The following SYTL5 variants were observed in gnomAD, a reference collection of about 807,000 sequenced individuals.
SYTL5 encodes the protein synaptotagmin like 5.
A neutral mutation model predicts 55.9 loss-of-function variants in SYTL5; 34 were observed. The observed-to-expected ratio is 0.61, with a 90% CI of 0.46 to 0.81. The LOEUF is 0.81. Among genes scored for constraint, SYTL5 ranks in the 30% least tolerant of loss-of-function variants. The pLI, the probability that SYTL5 is intolerant of heterozygous loss-of-function variation, is 0.00. For synonymous variants in SYTL5, 221 were observed against 188.7 expected, an observed-to-expected ratio of 1.17 and a Z score of -1.40; for missense variants, 637 against 546.7, an observed-to-expected ratio of 1.17 and a Z score of -1.65.
At position 38,125,174 on chromosome X, in the gene SYTL5, A is replaced by G. The variant is rs1937615422; in HGVS notation, c.1842-124A>G. Reference sequence around the variant, plus strand: ...GAAATAATAAGTCAGTTCACTATATAAATCCAGATTTAAGCATATAGAAGC... The same window carrying G: ...GAAATAATAAGTCAGTTCACTATATGAATCCAGATTTAAGCATATAGAAGC... On this transcript the variant is annotated intron_variant, in intron 15 of 16. Coordinates refer to ENST00000297875, the MANE Select transcript of SYTL5 (RefSeq NM_138780.3). 5.5e-6 allele frequency: 3 copies of G among 545,905 alleles called. No individual in the cohort carries two copies. The South Asian group carries it at 9.6e-5, about 17-fold the overall frequency. 45.0% of individuals were successfully genotyped at this position (545,905 alleles called of 1,213,427 possible).
At chrX:37,958,350 C>CA in the SYTL5 span, among the ~76,000 whole-genome samples, 3 of 111,321 alleles carry the variant, frequency 2.7e-5, no homozygotes, top group Non-Finnish European at 5.7e-5. Flanking sequence ...TGGTGGAGGA[C>CA]ATCTTATGGC....
chrX:37,955,504 T>C, the SYTL5 span, among the ~76,000 whole-genome samples: 1 of 112,142 alleles, frequency 8.9e-6, no homozygotes, highest in Non-Finnish European at 1.9e-5. Context: ...ACATCGTCTG[T>C]ATTGTGTTAT....
At chrX:38,102,570 C>T in intron 10 of SYTL5, 136 bp downstream of exon 10, 1 of 468,085 alleles carries the variant, frequency 2.1e-6, no homozygotes, top group East Asian at 3.8e-5. Flanking sequence ...TCCTGCTTGC[C>T]CTTTGCCCAC....
chrX:37,942,922 G>C, the SYTL5 span, among the ~76,000 whole-genome samples: 2 of 110,893 alleles, frequency 1.8e-5, no homozygotes, highest in African/African-American at 6.6e-5. Context: ...CTCCCTTCTT[G>C]CTGGCCTCCC....
At chrX:37,932,166 T>G in the SYTL5 span, among the ~76,000 whole-genome samples, 1 of 112,126 alleles carries the variant, frequency 8.9e-6, no homozygotes, top group Non-Finnish European at 1.9e-5. Flanking sequence ...ATCCTCATAC[T>G]GTCCACACGA....
the SYTL5 span, among the ~76,000 whole-genome samples, chrX:37,974,326 C>G: frequency 2.7e-5 from 3 of 111,825 alleles, no homozygotes; most frequent in African/African-American, 9.8e-5. Flanking sequence ...GTGAATAAAG[C>G]CAGTCAAGAA....
chrX:38,087,418 C>G (rs185705721), intron 6 of SYTL5, among the ~76,000 whole-genome samples: 23 of 111,607 alleles, frequency 2.1e-4, no homozygotes, highest in African/African-American at 6.5e-4. Flanking sequence ...GGAAAATCAC[C>G]AAAGAAATTA....
At chrX:38,012,293 G>A (rs1934216879) in intron 1 of SYTL5, among the ~76,000 whole-genome samples, 1 of 111,830 alleles carries the variant, frequency 8.9e-6, no homozygotes, top group African/African-American at 3.2e-5. Context: ...AAGAAACCAA[G>A]AAAATGAATA....
At chrX:38,066,448 G>A (rs910018466) in intron 3 of SYTL5, among the ~76,000 whole-genome samples, 1 of 111,641 alleles carries the variant, frequency 9.0e-6, no homozygotes, top group African/African-American at 3.3e-5. Context: ...TCACAAATAA[G>A]TATAGCCCAC....
the SYTL5 span, among the ~76,000 whole-genome samples, chrX:37,915,575 TTTTGAAAC>T: frequency 8.9e-6 from 1 of 112,376 alleles, no homozygotes; most frequent in Non-Finnish European, 1.9e-5. Context: ...GTAGTAATGA[TTTTGAAAC>T]ATATTACATG....
At chrX:38,054,034 T>C (rs930672942) in intron 2 of SYTL5, among the ~76,000 whole-genome samples, 179 bp from the exon 3 acceptor site, 1 of 112,122 alleles carries the variant, frequency 8.9e-6, no homozygotes, top group Non-Finnish European at 1.9e-5. Context: ...GAATTGAAAC[T>C]AGCGACACCA....
At chrX:38,059,336 T>G (rs1450727195) in intron 3 of SYTL5, among the ~76,000 whole-genome samples, 1 of 112,023 alleles carries the variant, frequency 8.9e-6, no homozygotes. Context: ...TGGTTTTTTA[T>G]TGATGGCCAA....
At chrX:37,909,487 T>C in the SYTL5 span, among the ~76,000 whole-genome samples, 1 of 111,045 alleles carries the variant, frequency 9.0e-6, no homozygotes, top group African/African-American at 3.3e-5. Context: ...TTTCAATTTT[T>C]TTTTTTTAGC....
chrX:38,040,857 T>C (rs1216922428), intron 2 of SYTL5, among the ~76,000 whole-genome samples: 2 of 111,958 alleles, frequency 1.8e-5, no homozygotes, highest in South Asian at 3.7e-4. Context: ...CTGGATCATA[T>C]GGTAGATCAA....
At chrX:38,010,939 C>T (rs1477056693) in intron 1 of SYTL5, among the ~76,000 whole-genome samples, 3 of 111,816 alleles carry the variant, frequency 2.7e-5, no homozygotes, top group Admixed American at 9.5e-5. Flanking sequence ...TCAACATCAT[C>T]GCCACTACCA....
At chrX:38,083,092 A>G (rs745956822) in intron 6 of SYTL5, among the ~76,000 whole-genome samples, 63 of 111,862 alleles carry the variant, frequency 5.6e-4, no homozygotes, top group Middle Eastern at 4.6e-3. Flanking sequence ...TTGTGTGTCT[A>G]TGGGGGAAGG....
rs1268958910 is a variant in SYTL5, at chrX:38,008,439, C to A, written c.-357+1771C>A. Among the ~76,000 whole-genome samples the A allele has an allele frequency of 9.0e-5, 10 of 111,258 alleles. 1 individual carries two copies. In the Admixed American group the frequency reaches 9.6e-4, roughly 11 times the overall value. ...CTCTACATCTTCCATCTTGCTTAGC[C>A]CATGGACTTTTGATTTTACTGAAGA... On this transcript the variant is annotated intron_variant, in intron 1 of 16. Coordinates refer to ENST00000297875, the MANE Select transcript of SYTL5 (RefSeq NM_138780.3).
chrX:37,989,231 T>C, the SYTL5 span, among the ~76,000 whole-genome samples: 1 of 111,895 alleles, frequency 8.9e-6, no homozygotes, highest in African/African-American at 3.3e-5. Flanking sequence ...GATGGGATTT[T>C]CTATGAGGGA....
intron 1 of SYTL5, among the ~76,000 whole-genome samples, chrX:38,028,903 C>T (rs994334664): frequency 5.4e-5 from 6 of 111,399 alleles, no homozygotes; most frequent in African/African-American, 9.8e-5. Flanking sequence ...TTGATTACCT[C>T]GGTGGCAATG....
Sources: allele counts gnomAD v4.1 joint callset (sites outside exome capture counted in the v4.1 genomes callset), GRCh38; gene constraint gnomAD v4.1.1; transcripts MANE v1.5; gene names NCBI Gene and HGNC (gene_info 2026-07-23, HGNC 2026-07-21).